The following LRP1B variants were observed in gnomAD, a reference collection of about 807,000 sequenced individuals.
LRP1B encodes low-density lipoprotein receptor-related protein 1B.
A neutral mutation model predicts 556.6 loss-of-function variants in LRP1B; 217 were observed. The observed-to-expected ratio is 0.39, with a 90% CI of 0.35 to 0.44. The LOEUF is 0.44. Among genes scored for constraint, LRP1B ranks in the 20% least tolerant of loss-of-function variants. The pLI, the probability that LRP1B is intolerant of heterozygous loss-of-function variation, is 1.00. For synonymous variants in LRP1B, 2,047 were observed against 1,865.8 expected (o/e 1.10, Z -2.50); for missense variants, 5,053 against 5,620.8 (o/e 0.90, Z 3.23).
At chr2:141,961,072 G>A (rs1418048474) in intron 1 of LRP1B, among the ~76,000 whole-genome samples, 3 of 151,508 alleles carry the variant, frequency 2.0e-5, no homozygotes, top group African/African-American at 7.3e-5. Flanking sequence ...GTTACTTCAT[G>A]ATGTATAGCA....
chr2:141,718,952 A>G (rs145347804), intron 2 of LRP1B, among the ~76,000 whole-genome samples: 53 of 143,940 alleles, frequency 3.7e-4, no homozygotes, highest in Admixed American at 2.1e-3. Flanking sequence ...TGAAAATTCT[A>G]AAAATAAGTA....
At chr2:140,734,564 T>A (rs1247511250) in intron 35 of LRP1B, among the ~76,000 whole-genome samples, 1 of 152,242 alleles carries the variant, frequency 6.6e-6, no homozygotes, top group Non-Finnish European at 1.5e-5. Context: ...CATCCCAGTT[T>A]GTCCAGGACT....
chr2:140,618,946 C>T (rs1173374882), intron 41 of LRP1B, among the ~76,000 whole-genome samples: 1 of 152,120 alleles, frequency 6.6e-6, no homozygotes, highest in East Asian at 1.9e-4. Context: ...CCTGCACTTC[C>T]CATACCTCTC....
chr2:141,821,476 C>T (rs2105730279), intron 1 of LRP1B, among the ~76,000 whole-genome samples: 1 of 152,214 alleles, frequency 6.6e-6, no homozygotes, highest in East Asian at 1.9e-4. Flanking sequence ...AATACACTGG[C>T]ACAGGATGAA....
chr2:140,281,779 A>C (rs1374005861), intron 84 of LRP1B, among the ~76,000 whole-genome samples: 1 of 151,814 alleles, frequency 6.6e-6, no homozygotes, highest in East Asian at 1.9e-4. Flanking sequence ...TCTGTAACTG[A>C]GGAGCCAGTT....
At chr2:142,070,508 G>A (rs560304764) in intron 1 of LRP1B, among the ~76,000 whole-genome samples, 6 of 151,774 alleles carry the variant, frequency 4.0e-5, no homozygotes, top group Non-Finnish European at 8.8e-5. Flanking sequence ...TATCTGATGT[G>A]CACAAATGCA....
At chr2:142,055,490 T>C (rs1384212526) in intron 1 of LRP1B, among the ~76,000 whole-genome samples, 1 of 152,186 alleles carries the variant, frequency 6.6e-6, no homozygotes, top group African/African-American at 2.4e-5. Context: ...CTTTGAGTTG[T>C]AATTGAAGCA....
At chr2:141,996,909 A>C (rs2105127505) in intron 1 of LRP1B, among the ~76,000 whole-genome samples, 1 of 152,284 alleles carries the variant, frequency 6.6e-6, no homozygotes, top group South Asian at 2.1e-4. Flanking sequence ...ACTCATAAAT[A>C]ATTGTTTTTC....
At chr2:141,971,254 A>C (rs1701723939) in intron 1 of LRP1B, among the ~76,000 whole-genome samples, 1 of 151,560 alleles carries the variant, frequency 6.6e-6, no homozygotes, top group Non-Finnish European at 1.5e-5. Flanking sequence ...AGAATTAGAA[A>C]GGTATGTTCC....
intron 31 of LRP1B, among the ~76,000 whole-genome samples, chr2:140,815,770 TAAGCA>T (rs1691096170): frequency 6.6e-6 from 1 of 152,086 alleles, no homozygotes. Flanking sequence ...ATGGGAAGTT[TAAGCA>T]AAATAAAACA....
chr2:141,991,646 T>C (rs1205419256), intron 1 of LRP1B, among the ~76,000 whole-genome samples: 1 of 151,996 alleles, frequency 6.6e-6, no homozygotes, highest in East Asian at 1.9e-4. Context: ...CAATAAATAT[T>C]CCGCTCCTCT....
intron 3 of LRP1B, among the ~76,000 whole-genome samples, chr2:141,443,935 A>G (rs1322026293): frequency 6.6e-6 from 1 of 151,766 alleles, no homozygotes; most frequent in Non-Finnish European, 1.5e-5. Flanking sequence ...TCCCTATAAA[A>G]TTTAAAGTAG....
At chr2:141,821,851 A>G (rs1474836719) in intron 1 of LRP1B, among the ~76,000 whole-genome samples, 9 of 152,128 alleles carry the variant, frequency 5.9e-5, no homozygotes, top group African/African-American at 2.2e-4. Context: ...GAAGAAGTAC[A>G]TTATCCCCAG....
At chr2:141,654,619 C>T (rs999933732) in intron 2 of LRP1B, among the ~76,000 whole-genome samples, 2 of 152,020 alleles carry the variant, frequency 1.3e-5, no homozygotes, top group African/African-American at 4.8e-5. Context: ...TAGAGAAGAA[C>T]CTCCATTTCT....
intron 32 of LRP1B, among the ~76,000 whole-genome samples, 166 bp downstream of exon 32, chr2:140,813,491 T>C (rs1205991519): frequency 6.6e-6 from 1 of 152,228 alleles, no homozygotes; most frequent in East Asian, 1.9e-4. Flanking sequence ...TAAGTCTGTT[T>C]GCTAAAGAGG....
At chr2:141,402,831 T>G (rs1379155802) in intron 3 of LRP1B, among the ~76,000 whole-genome samples, 1 of 152,130 alleles carries the variant, frequency 6.6e-6, no homozygotes, top group African/African-American at 2.4e-5. Context: ...AAAATCAAAA[T>G]TTTTGGAATG....
intron 1 of LRP1B, among the ~76,000 whole-genome samples, chr2:141,955,812 T>C (rs1371000248): frequency 1.3e-5 from 2 of 152,128 alleles, no homozygotes; most frequent in African/African-American, 4.8e-5. Flanking sequence ...CTAGAGCTAG[T>C]AGTGATTCCT....
intron 1 of LRP1B, among the ~76,000 whole-genome samples, chr2:142,032,537 A>T (rs1418532621): frequency 6.6e-6 from 1 of 151,774 alleles, no homozygotes; most frequent in Non-Finnish European, 1.5e-5. Flanking sequence ...TTATTACCCC[A>T]AACATTAGCT....
chr2:141,178,756 G>A (rs1432621775), intron 7 of LRP1B, among the ~76,000 whole-genome samples: 8 of 151,920 alleles, frequency 5.3e-5, no homozygotes, highest in Admixed American at 3.9e-4. Context: ...TATATCTTCA[G>A]TATTTTTCTC....
Sources: allele counts gnomAD v4.1 joint callset (sites outside exome capture counted in the v4.1 genomes callset), GRCh38; gene constraint gnomAD v4.1.1; transcripts MANE v1.5; gene names NCBI Gene and HGNC (gene_info 2026-07-23, HGNC 2026-07-21).